Variants in RIN2 observed in about 807,000 individuals in gnomAD.
RIN2 encodes the protein Ras and Rab interactor 2, also known as RAB5 interacting protein 2.
A neutral mutation model predicts 78.0 loss-of-function variants in RIN2; 36 were observed. The ratio of observed to expected loss-of-function variants is 0.46; its 90% CI spans 0.35 to 0.61. The LOEUF is 0.61. Ranked by LOEUF, RIN2 falls within the 20% of genes least tolerant of loss-of-function variation. The pLI, the probability that RIN2 is intolerant of heterozygous loss-of-function variation, is 0.00. For missense variants in RIN2, 1,087 were observed against 1,159.7 expected, an observed-to-expected ratio of 0.94 and a Z score of 0.91; for synonymous variants, 466 against 466.8, an observed-to-expected ratio of 1.00 and a Z score of 0.02.
chr20:19,992,283 G>A lies in RIN2; in HGVS notation c.2184G>A (p.Ser728=), dbSNP rs754028614. Residue 728 remains serine, a synonymous_variant, in exon 11 of 13, where the codon TCG becomes TCA. Transcript: ENST00000255006. ...ACATGATGGAGCTCCTAGACCCATC[G>A]CTGTTACATGGAGAAGGTAACTGCT... ...IEYMMELLDP[S]LLHGEGGYYL... is the part of the protein sequence containing the mutation. The A allele has an allele frequency of 5.0e-5, 78 of 1,568,826 alleles. No homozygotes were observed. The highest frequency in any genetic ancestry group is 3.3e-4 in the Middle Eastern group (2 of 6,022).
intron 2 of RIN2, among the ~76,000 whole-genome samples, chr20:19,810,033 C>G (rs953144148): frequency 1.3e-5 from 2 of 151,958 alleles, no homozygotes; most frequent in African/African-American, 2.4e-5. Flanking sequence ...ACTGCAAGGC[C>G]AAGTTGCAGC....
At chr20:19,924,179 A>C (rs58957748) in intron 3 of RIN2, among the ~76,000 whole-genome samples, 16,461 of 31,788 alleles carry the variant, frequency 0.52, 3,778 homozygotes, top group East Asian at 0.81. Flanking sequence ...CTTCATACCC[A>C]CACCTTCATA....
At chr20:19,921,139 G>A (rs1017536310) in intron 3 of RIN2, among the ~76,000 whole-genome samples, 3 of 152,178 alleles carry the variant, frequency 2.0e-5, no homozygotes, top group African/African-American at 7.2e-5. Flanking sequence ...GCCTGGCAAG[G>A]TGGAGCCCAC....
chr20:19,767,620 C>T (rs913840081), intron 1 of RIN2, among the ~76,000 whole-genome samples: 1 of 151,972 alleles, frequency 6.6e-6, no homozygotes, highest in South Asian at 2.1e-4. Flanking sequence ...CATTATGGCA[C>T]CACTTAGAAT....
At chr20:19,921,849 GTTGTTTGTTTGTTTGTTTGT>G (rs71198035) in intron 3 of RIN2, among the ~76,000 whole-genome samples, 3 of 150,506 alleles carry the variant, frequency 2.0e-5, no homozygotes, top group Admixed American at 6.6e-5. Flanking sequence ...GGATCTGTCG[GTTGTTTGTTTGTTTGTTTGT>G]TTGTTTGTTT....
chr20:19,856,210 A>G lies in RIN2; in HGVS notation c.-36-33356A>G, dbSNP rs200772839. On this transcript the variant is annotated intron_variant, in intron 2 of 12. Coordinates refer to ENST00000255006, the MANE Select transcript of RIN2 (RefSeq NM_018993.4). Reference sequence around the variant, plus strand: ...TGCTTTTATTTTCCTTGTAATGCGCATGGGAAAAACTGTGCATGACGACAT... The same window carrying G: ...TGCTTTTATTTTCCTTGTAATGCGCGTGGGAAAAACTGTGCATGACGACAT... Among the ~76,000 whole-genome samples, 8 of 152,304 alleles carry G rather than the reference A, an allele frequency of 5.3e-5. No homozygotes were observed. In the East Asian group the frequency reaches 1.5e-3, roughly 29 times the overall value.
intron 2 of RIN2, among the ~76,000 whole-genome samples, chr20:19,878,048 C>G (rs2123416406): frequency 6.6e-6 from 1 of 152,174 alleles, no homozygotes; most frequent in South Asian, 2.1e-4. Context: ...GAAGCTGTGT[C>G]CATTCTGTTG....
chr20:19,764,119 G>C (rs1017657705), intron 1 of RIN2, among the ~76,000 whole-genome samples: 1 of 151,974 alleles, frequency 6.6e-6, no homozygotes, highest in Admixed American at 6.6e-5. Context: ...GAGACTTTTT[G>C]TTTTTTATGT....
intron 2 of RIN2, among the ~76,000 whole-genome samples, chr20:19,843,745 T>C (rs1042636495): frequency 6.6e-6 from 1 of 152,178 alleles, no homozygotes; most frequent in Non-Finnish European, 1.5e-5. Flanking sequence ...TCCACCAGCA[T>C]GCGCGAATAT....
intron 2 of RIN2, among the ~76,000 whole-genome samples, chr20:19,878,017 CAAAAAAGA>C (rs768331998): frequency 6.6e-5 from 10 of 151,998 alleles, no homozygotes; most frequent in Non-Finnish European, 1.5e-4. Context: ...AAGAGTGTCT[CAAAAAAGA>C]AAAATAGTAG....
intron 1 of RIN2, among the ~76,000 whole-genome samples, chr20:19,788,447 A>AC (rs1481710836): frequency 6.6e-6 from 1 of 150,600 alleles, no homozygotes; most frequent in African/African-American, 2.5e-5. Context: ...AAAAAAAAAA[A>AC]AACAACTAGC....
chr20:19,762,809 G>A (rs2033697045), intron 1 of RIN2, among the ~76,000 whole-genome samples: 1 of 152,056 alleles, frequency 6.6e-6, no homozygotes, highest in Non-Finnish European at 1.5e-5. Flanking sequence ...TGTTGCCCAG[G>A]CTGGAGTGCA....
chr20:19,778,569 G>A (rs1279839084), intron 1 of RIN2, among the ~76,000 whole-genome samples: 7 of 152,186 alleles, frequency 4.6e-5, no homozygotes, highest in African/African-American at 7.2e-5. Context: ...GCCAGGATTT[G>A]GAACCAGAAG....
chr20:19,787,259 A>T, intron 1 of RIN2, among the ~76,000 whole-genome samples: 1 of 151,718 alleles, frequency 6.6e-6, no homozygotes, highest in East Asian at 1.9e-4. Context: ...CATCTCTACT[A>T]AAAAAATACA....
intron 1 of RIN2, among the ~76,000 whole-genome samples, chr20:19,785,504 AG>A (rs1207342823): frequency 6.6e-6 from 1 of 152,218 alleles, no homozygotes; most frequent in Non-Finnish European, 1.5e-5. Flanking sequence ...GCTGCCAGGC[AG>A]GACATCCTTT....
At chr20:19,861,537 C>T (rs1016588606) in intron 2 of RIN2, among the ~76,000 whole-genome samples, 3 of 151,822 alleles carry the variant, frequency 2.0e-5, no homozygotes, top group Non-Finnish European at 2.9e-5. Context: ...CCCTCCATAT[C>T]TGATCACCCT....
At chr20:19,937,440 G>A (rs1048626437) in intron 4 of RIN2, among the ~76,000 whole-genome samples, 3 of 152,184 alleles carry the variant, frequency 2.0e-5, no homozygotes, top group African/African-American at 7.2e-5. Context: ...GTGAGTGTGA[G>A]CTGGGATAGG....
intron 4 of RIN2, among the ~76,000 whole-genome samples, chr20:19,937,901 G>C (rs1334909750): frequency 6.6e-6 from 1 of 152,220 alleles, no homozygotes; most frequent in Non-Finnish European, 1.5e-5. Flanking sequence ...GTGGTTTGTT[G>C]CCTACAATCA....
chr20:19,865,265 C>T (rs1192165381), intron 2 of RIN2, among the ~76,000 whole-genome samples: 1 of 152,122 alleles, frequency 6.6e-6, no homozygotes, highest in African/African-American at 2.4e-5. Flanking sequence ...TGTGCTATGA[C>T]ATATTTTCTA....
Sources: gnomAD v4.1 joint callset for allele counts (sites outside exome capture counted in the v4.1 genomes callset) on GRCh38, gnomAD v4.1.1 for gene constraint, MANE v1.5 for transcripts, NCBI Gene and HGNC (gene_info 2026-07-23, HGNC 2026-07-21) for gene names.